Variants in KCNMA1 observed in about 807,000 individuals in gnomAD.
KCNMA1 encodes the protein potassium calcium-activated channel subfamily M alpha 1.
A neutral mutation model predicts 140.0 loss-of-function variants in KCNMA1; 29 were observed. That is an observed-to-expected ratio of 0.21 (90% CI 0.15 to 0.28). KCNMA1 has a LOEUF of 0.28. Among genes scored for constraint, KCNMA1 ranks in the 10% least tolerant of loss-of-function variants. The pLI is 1.00. For synonymous variants in KCNMA1, 612 were observed against 611.9 expected (o/e 1.00, Z 0.00); for missense variants, 880 against 1,602.2 (o/e 0.55, Z 7.70).
chr10:76,944,637 G>A (rs1297964058), intron 23 of KCNMA1, 136 bp downstream of exon 23: 4 of 774,382 alleles, frequency 5.2e-6, no homozygotes, highest in Non-Finnish European at 8.8e-6. Flanking sequence ...CCCTTTGAAA[G>A]CCATCATGGT....
chr10:77,051,455 T>C (rs1210609748), intron 14 of KCNMA1, among the ~76,000 whole-genome samples: 1 of 152,196 alleles, frequency 6.6e-6, no homozygotes, highest in African/African-American at 2.4e-5. Flanking sequence ...TGTGTATTCA[T>C]TGTTATCTGG....
chr10:77,302,252 C>T (rs1038315111), intron 2 of KCNMA1, among the ~76,000 whole-genome samples: 19 of 152,286 alleles, frequency 1.2e-4, no homozygotes, highest in African/African-American at 4.3e-4. Flanking sequence ...GGGAAAGGGG[C>T]TGCTTCTCTG....
chr10:76,977,601 G>A (rs971181570), intron 19 of KCNMA1: 2 of 702,786 alleles, frequency 2.8e-6, no homozygotes, highest in African/African-American at 1.7e-5. Context: ...CATTTCCCTT[G>A]CTTTCCAGTC....
At position 77,345,394 on chromosome 10, in the gene KCNMA1, T is replaced by G. The variant is rs186657657; in HGVS notation, c.540+58468A>C. Among the ~76,000 whole-genome samples the G allele has an allele frequency of 1.1e-3, 174 of 152,236 alleles. 1 individual carries two copies. The Middle Eastern group carries it at 0.017, about 15-fold the overall frequency. ...CAGGTGGTGCCTCCCTAATCTGAAA[T>G]CATGGACTGAGTACCTTCAAAAGAA... On this transcript the variant is annotated intron_variant, in intron 2 of 27. Transcript: ENST00000286628.
In KCNMA1 at chr10:76,920,022, A is replaced by ATATG. The variant is rs1564911400; in HGVS notation, c.2903-4974_2903-4973insCATA. ...TGTGTGTGTGTGTGTGTGTGTGTGT[A>ATATG]TATATATATATATATATATATATAT... On this transcript the variant is annotated intron_variant, in intron 23 of 27. Transcript: ENST00000286628. 8.4e-5 allele frequency among the ~76,000 whole-genome samples: 5 copies of ATATG among 59,664 alleles called. No homozygotes were observed. The South Asian group carries it at 1.9e-3, about 23-fold the overall frequency. 39.1% of individuals were successfully genotyped at this position (59,664 alleles called of 152,430 possible).
chr10:77,348,443 G>T (rs938454694), intron 2 of KCNMA1, among the ~76,000 whole-genome samples: 3 of 152,072 alleles, frequency 2.0e-5, no homozygotes, highest in Non-Finnish European at 4.4e-5. Flanking sequence ...CTGGACACCC[G>T]CAAGCCACAT....
At chr10:77,429,469 C>T (rs539849677) in intron 1 of KCNMA1, among the ~76,000 whole-genome samples, 5 of 152,136 alleles carry the variant, frequency 3.3e-5, no homozygotes, top group Non-Finnish European at 4.4e-5. Context: ...GGCAAAATCG[C>T]CACCATTTGA....
intron 3 of KCNMA1, among the ~76,000 whole-genome samples, chr10:77,231,006 G>A (rs1351735784): frequency 1.3e-5 from 2 of 152,164 alleles, no homozygotes; most frequent in African/African-American, 4.8e-5. Context: ...TGTCTCTAGA[G>A]AAGGACCTAG....
intron 20 of KCNMA1, among the ~76,000 whole-genome samples, chr10:76,966,487 G>C (rs2073968449): frequency 6.6e-6 from 1 of 152,090 alleles, no homozygotes; most frequent in Admixed American, 6.5e-5. Context: ...AGACTTCCTA[G>C]AGAGTTTTCA....
intron 15 of KCNMA1, among the ~76,000 whole-genome samples, chr10:77,037,944 GCTC>G (rs2153572672): frequency 6.6e-6 from 1 of 152,250 alleles, no homozygotes; most frequent in Admixed American, 6.5e-5. Flanking sequence ...AAGAGAAATA[GCTC>G]TCAAAGAAAG....
chr10:77,267,966 C>T (rs1188158421), intron 2 of KCNMA1, among the ~76,000 whole-genome samples: 1 of 152,190 alleles, frequency 6.6e-6, no homozygotes, highest in Non-Finnish European at 1.5e-5. Context: ...CGCTTCTTGA[C>T]AGTAGACCCT....
At chr10:77,130,292 G>C (rs1006682859) in intron 5 of KCNMA1, among the ~76,000 whole-genome samples, 1 of 152,074 alleles carries the variant, frequency 6.6e-6, no homozygotes, top group African/African-American at 2.4e-5. Flanking sequence ...TAAATTTTCA[G>C]CACTTTATTA....
Position 77,115,341 on chromosome 10 carries a change from T to C in KCNMA1, c.885-2899A>G, listed in dbSNP as rs573524818. 2.6e-5 allele frequency among the ~76,000 whole-genome samples: 4 copies of C among 152,376 alleles called. No homozygotes were observed. The South Asian group carries it at 6.2e-4, about 24-fold the overall frequency. On this transcript the variant is annotated intron_variant, in intron 6 of 27. Transcript: ENST00000286628. The stretch of plus-strand genomic sequence containing the variant: ...AGATTATAATAATTGCCAATATTTA[T>C]TGAGCCCTTATTATGTGTTAGATGT...
chr10:77,269,740 G>T (rs945534911), intron 2 of KCNMA1, among the ~76,000 whole-genome samples: 2 of 152,176 alleles, frequency 1.3e-5, no homozygotes, highest in African/African-American at 4.8e-5. Context: ...TGGGACTCAG[G>T]TCTCTGCACT....
chr10:77,550,901 C>T (rs78802974), intron 1 of KCNMA1, among the ~76,000 whole-genome samples: 1,637 of 152,298 alleles, frequency 0.011, 36 homozygotes, highest in African/African-American at 0.037. Flanking sequence ...ATGTAAGACT[C>T]CAACCAAGAT....
At chr10:76,988,486 C>T (rs1197130943) in intron 19 of KCNMA1, among the ~76,000 whole-genome samples, 1 of 152,034 alleles carries the variant, frequency 6.6e-6, no homozygotes, top group East Asian at 1.9e-4. Flanking sequence ...TATGATCACA[C>T]CACTGCACTC....
intron 25 of KCNMA1, among the ~76,000 whole-genome samples, chr10:76,909,082 C>T (rs1372038745): frequency 1.3e-5 from 2 of 152,196 alleles, no homozygotes; most frequent in African/African-American, 4.8e-5. Context: ...CTCTCTGCCA[C>T]TAACTCCTCC....
intron 1 of KCNMA1, among the ~76,000 whole-genome samples, chr10:77,599,706 T>G (rs1462544201): frequency 1.3e-5 from 2 of 152,108 alleles, no homozygotes; most frequent in African/African-American, 4.8e-5. Flanking sequence ...ATTAGAGAGA[T>G]CATTACATGA....
intron 20 of KCNMA1, among the ~76,000 whole-genome samples, chr10:76,956,892 G>A (rs376298107): frequency 5.9e-5 from 9 of 152,098 alleles, no homozygotes; most frequent in Non-Finnish European, 1.3e-4. Flanking sequence ...GGAGGCCAAG[G>A]TGGGCGGATC....
Sources: gnomAD v4.1 joint callset for allele counts (sites outside exome capture counted in the v4.1 genomes callset) on GRCh38, gnomAD v4.1.1 for gene constraint, MANE v1.5 for transcripts, NCBI Gene and HGNC (gene_info 2026-07-23, HGNC 2026-07-21) for gene names.